CFAP299: variants seen among roughly 807,000 people sequenced by gnomAD.
The protein encoded by CFAP299 is cilia- and flagella-associated protein 299.
A neutral mutation model predicts 27.0 loss-of-function variants in CFAP299; 21 were observed. The ratio of observed to expected loss-of-function variants is 0.78; its 90% CI spans 0.55 to 1.12. The LOEUF is 1.12. CFAP299 is among the 50% of genes most tolerant of loss of function. The pLI, the probability that CFAP299 is intolerant of heterozygous loss-of-function variation, is 0.00. For missense variants in CFAP299, 310 were observed against 276.6 expected (o/e 1.12, Z -0.86); for synonymous variants, 104 against 98.1 (o/e 1.06, Z -0.36).
intron 3 of CFAP299, among the ~76,000 whole-genome samples, chr4:80,709,086 C>A (rs1216597634): frequency 6.6e-6 from 1 of 152,102 alleles, no homozygotes; most frequent in African/African-American, 2.4e-5. Flanking sequence ...CATGCTAAAT[C>A]AAAATGAGCC....
intron 4 of CFAP299, among the ~76,000 whole-genome samples, chr4:80,921,163 C>A (rs1361734079): frequency 2.6e-5 from 4 of 151,966 alleles, no homozygotes; most frequent in African/African-American, 4.8e-5. Flanking sequence ...ACTTTATTTT[C>A]AAAATTGATA....
chr4:80,917,452 A>G (rs1735822723), intron 4 of CFAP299, among the ~76,000 whole-genome samples: 1 of 152,176 alleles, frequency 6.6e-6, no homozygotes, highest in Non-Finnish European at 1.5e-5. Context: ...TAGATTTGAA[A>G]AAGGAATTAC....
chr4:80,607,411 G>A, intron 3 of CFAP299, among the ~76,000 whole-genome samples: 1 of 17,988 alleles, frequency 5.6e-5, no homozygotes, highest in South Asian at 6.7e-3. Flanking sequence ...AGAGGGTGGA[G>A]AAACAGAGAA....
chr4:80,889,205 T>A (rs1040075708), intron 4 of CFAP299, among the ~76,000 whole-genome samples: 4 of 150,774 alleles, frequency 2.7e-5, no homozygotes, highest in Non-Finnish European at 4.4e-5. Flanking sequence ...AGTTTTTTTT[T>A]AAAGATTAAC....
intron 2 of CFAP299, among the ~76,000 whole-genome samples, chr4:80,363,295 C>G (rs951468286): frequency 6.6e-6 from 1 of 152,060 alleles, no homozygotes; most frequent in African/African-American, 2.4e-5. Context: ...TTTTTAATCA[C>G]TAACTTTTGT....
At chr4:80,831,673 A>C (rs961708701) in intron 3 of CFAP299, among the ~76,000 whole-genome samples, 1 of 152,160 alleles carries the variant, frequency 6.6e-6, no homozygotes, top group Non-Finnish European at 1.5e-5. Context: ...AATTTTGACA[A>C]CTATTAGTAT....
intron 5 of CFAP299, among the ~76,000 whole-genome samples, chr4:80,956,704 A>C (rs567646989): frequency 4.4e-4 from 66 of 151,490 alleles, no homozygotes; most frequent in African/African-American, 1.5e-3. Context: ...TGCCTTGGCC[A>C]CCCAAATTAA....
rs535078196 is a variant in CFAP299, at chr4:80,637,164, A to G, written c.333+53981A>G. On this transcript the variant is annotated intron_variant, in intron 3 of 5. Transcript: ENST00000358105. ...AAAGATCAAGAACCTAAGTCCCACT[A>G]TATAATGTTTAATAAAGATAAAGTG... is the stretch of plus-strand genomic sequence containing the variant. 2.0e-5 allele frequency among the ~76,000 whole-genome samples: 3 copies of G among 152,336 alleles called. No individual in the cohort carries two copies. In the South Asian group the frequency reaches 6.2e-4, roughly 32 times the overall value.
At chr4:80,960,411 A>T (rs1416063800) in intron 5 of CFAP299, among the ~76,000 whole-genome samples, 1 of 151,920 alleles carries the variant, frequency 6.6e-6, no homozygotes, top group Non-Finnish European at 1.5e-5. Flanking sequence ...TGAAGCAGTA[A>T]CTATTTTTAA....
chr4:80,476,936 TGTGTGTGCGTGTGTGTGCGCATGC>T (rs918499606), intron 2 of CFAP299, among the ~76,000 whole-genome samples: 4 of 137,018 alleles, frequency 2.9e-5, no homozygotes, highest in African/African-American at 1.2e-4. Context: ...GCATTTTGTG[TGTGTGTGCGTGTGTGTGCGCATGC>T]GTGTGTGTGT....
chr4:80,552,160 T>G (rs530086756), intron 2 of CFAP299, among the ~76,000 whole-genome samples: 15 of 152,368 alleles, frequency 9.8e-5, no homozygotes, highest in African/African-American at 3.6e-4. Flanking sequence ...GTAGTTTGTT[T>G]TCTTTATTGG....
intron 3 of CFAP299, among the ~76,000 whole-genome samples, chr4:80,838,812 T>C (rs1730707932): frequency 6.6e-6 from 1 of 151,944 alleles, no homozygotes; most frequent in African/African-American, 2.4e-5. Context: ...GTCAATGTAT[T>C]TTTTAACCTA....
chr4:80,698,931 T>C (rs1721288362), intron 3 of CFAP299, among the ~76,000 whole-genome samples: 1 of 152,176 alleles, frequency 6.6e-6, no homozygotes, highest in African/African-American at 2.4e-5. Context: ...TTAAGGGGAT[T>C]ACAATTCAAG....
intron 2 of CFAP299, among the ~76,000 whole-genome samples, chr4:80,410,040 G>C (rs1169246083): frequency 6.6e-6 from 1 of 152,200 alleles, no homozygotes; most frequent in Non-Finnish European, 1.5e-5. Flanking sequence ...TGCTCAGTGG[G>C]ATCAGAAGTG....
intron 3 of CFAP299, among the ~76,000 whole-genome samples, chr4:80,822,628 T>C (rs1179884470): frequency 6.6e-6 from 1 of 152,200 alleles, no homozygotes; most frequent in Non-Finnish European, 1.5e-5. Context: ...CATAATATTT[T>C]TGAACTGGAT....
intron 2 of CFAP299, among the ~76,000 whole-genome samples, chr4:80,393,559 C>T (rs1219087907): frequency 2.0e-5 from 3 of 152,102 alleles, no homozygotes; most frequent in African/African-American, 7.2e-5. Context: ...AGTACCTTTT[C>T]TATGTTTAGA....
intron 5 of CFAP299, 90 bp downstream of exon 5, chr4:80,945,029 T>A: frequency 2.4e-6 from 3 of 1,229,466 alleles, no homozygotes; most frequent in Non-Finnish European, 3.5e-6. Flanking sequence ...TATTTGACAC[T>A]CTTAAGTTGT....
intron 3 of CFAP299, among the ~76,000 whole-genome samples, chr4:80,707,826 G>T (rs1380148707): frequency 2.0e-5 from 3 of 152,032 alleles, no homozygotes; most frequent in African/African-American, 7.2e-5. Flanking sequence ...ACACAAAATT[G>T]GGGTAAATGA....
At chr4:80,818,098 C>A (rs549089123) in intron 3 of CFAP299, among the ~76,000 whole-genome samples, 1 of 152,032 alleles carries the variant, frequency 6.6e-6, no homozygotes, top group South Asian at 2.1e-4. Context: ...TGAGACCATG[C>A]GGCATTTGGT....
Sources: gnomAD v4.1 joint callset for allele counts (sites outside exome capture counted in the v4.1 genomes callset) on GRCh38, gnomAD v4.1.1 for gene constraint, MANE v1.5 for transcripts, NCBI Gene and HGNC (gene_info 2026-07-23, HGNC 2026-07-21) for gene names.